The following EHBP1 variants were observed in gnomAD, a reference collection of about 807,000 sequenced individuals.
EHBP1 encodes the protein EH domain-binding protein 1.
Under a neutral mutation model 144.0 loss-of-function variants are expected in EHBP1, and 55 were observed. The ratio of observed to expected loss-of-function variants is 0.38; its 90% confidence interval spans 0.31 to 0.48. EHBP1 has a LOEUF of 0.48. Among genes scored for constraint, EHBP1 ranks in the 20% least tolerant of loss-of-function variants. EHBP1 has a pLI of 0.98. For synonymous variants in EHBP1, 469 were observed against 472.7 expected (o/e 0.99, Z 0.10); for missense variants, 1,200 against 1,364.2 (o/e 0.88, Z 1.90).
At chr2:62,999,714 TATTC>T (rs1165103552) in intron 19 of EHBP1, among the ~76,000 whole-genome samples, 1 of 152,244 alleles carries the variant, frequency 6.6e-6, no homozygotes, top group African/African-American at 2.4e-5. Context: ...CACATTTGTT[TATTC>T]ATTCATCTGT....
intron 8 of EHBP1, among the ~76,000 whole-genome samples, chr2:62,860,754 C>T (rs1044029686): frequency 6.6e-6 from 1 of 151,990 alleles, no homozygotes; most frequent in African/African-American, 2.4e-5. Context: ...ATTTTAAAAT[C>T]AAGTAAGTTT....
At chr2:62,909,039 A>G (rs1426075101) in intron 10 of EHBP1, among the ~76,000 whole-genome samples, 1 of 152,234 alleles carries the variant, frequency 6.6e-6, no homozygotes, top group Non-Finnish European at 1.5e-5. Context: ...GGCCTAGATC[A>G]GAGGAAATCA....
chr2:62,716,119 C>A (rs1340516641), intron 2 of EHBP1, among the ~76,000 whole-genome samples: 1 of 152,012 alleles, frequency 6.6e-6, no homozygotes, highest in Non-Finnish European at 1.5e-5. Context: ...TTTCAATGTC[C>A]CACCCATTTC....
At chr2:62,788,373 T>G (rs2042952356) in intron 5 of EHBP1, among the ~76,000 whole-genome samples, 1 of 151,800 alleles carries the variant, frequency 6.6e-6, no homozygotes, top group Non-Finnish European at 1.5e-5. Context: ...TTCTTCCAAT[T>G]AAAAGAACTA....
intron 5 of EHBP1, among the ~76,000 whole-genome samples, chr2:62,809,557 TG>T (rs1383062450): frequency 6.6e-6 from 1 of 152,170 alleles, no homozygotes; most frequent in Non-Finnish European, 1.5e-5. Context: ...GTTTGTTGCA[TG>T]GGTAGATTGT....
chr2:62,882,107 C>T (rs1000942726), intron 10 of EHBP1, among the ~76,000 whole-genome samples: 1 of 152,166 alleles, frequency 6.6e-6, no homozygotes, highest in Non-Finnish European at 1.5e-5. Context: ...TAATTTCATT[C>T]TGTGGCTTTT....
chr2:62,910,071 C>T (rs964483106), intron 10 of EHBP1, among the ~76,000 whole-genome samples: 3 of 151,988 alleles, frequency 2.0e-5, no homozygotes, highest in African/African-American at 4.8e-5. Context: ...TGTTTTTAAT[C>T]GAAGTTCAAT....
In EHBP1 at chr2:62,683,270, C is replaced by A. The variant is rs76633067; in HGVS notation, c.-296+9187C>A. 3.6e-3 allele frequency among the ~76,000 whole-genome samples: 541 copies of A among 152,278 alleles called. 3 individuals are homozygous for A. Among genetic ancestry groups the A allele is most frequent in the African/African-American group, 0.012 (518 of 41,556 alleles). On this transcript the variant is annotated intron_variant, in intron 1 of 22. Coordinates refer to the EHBP1 transcript ENST00000405015. ...AATTTCAAGTCAAACAGAGACAATA[C>A]TCTTGCCCAGCAATTTTATCACAAG...
intron 19 of EHBP1, among the ~76,000 whole-genome samples, chr2:62,998,646 A>G (rs1415188916): frequency 6.6e-6 from 1 of 152,170 alleles, no homozygotes; most frequent in African/African-American, 2.4e-5. Context: ...CTTCCTACCC[A>G]ACATATCACT....
At chr2:63,001,007 TAAC>T (rs2059828681) in intron 19 of EHBP1, among the ~76,000 whole-genome samples, 1 of 152,214 alleles carries the variant, frequency 6.6e-6, no homozygotes, top group Admixed American at 6.5e-5. Flanking sequence ...AGCAATGTTG[TAAC>T]CCATGAAAAA....
intron 19 of EHBP1, among the ~76,000 whole-genome samples, 168 bp downstream of exon 19, chr2:62,996,934 T>G (rs1253188955): frequency 6.6e-6 from 1 of 151,872 alleles, no homozygotes; most frequent in Non-Finnish European, 1.5e-5. Context: ...GTGATAAGAG[T>G]GCCTTCATGG....
At chr2:62,803,166 G>C (rs2044163714) in intron 5 of EHBP1, among the ~76,000 whole-genome samples, 1 of 151,728 alleles carries the variant, frequency 6.6e-6, no homozygotes, top group South Asian at 2.1e-4. Context: ...TGGATGTTAA[G>C]ATTGTTTCCA....
chr2:62,730,565 T>TG (rs1476449372), intron 2 of EHBP1, among the ~76,000 whole-genome samples: 19 of 152,176 alleles, frequency 1.2e-4, no homozygotes, highest in African/African-American at 4.3e-4. Context: ...ACATCTTAGT[T>TG]GCTTCTAAGT....
chr2:62,922,627 G>A (rs1301074179), intron 10 of EHBP1, among the ~76,000 whole-genome samples: 1 of 152,172 alleles, frequency 6.6e-6, no homozygotes, highest in African/African-American at 2.4e-5. Context: ...GAGACACCTG[G>A]CATTCATCTT....
intron 13 of EHBP1, among the ~76,000 whole-genome samples, chr2:62,951,135 C>G (rs2057355537): frequency 6.6e-6 from 1 of 152,154 alleles, no homozygotes; most frequent in Admixed American, 6.5e-5. Flanking sequence ...GTTTCTTTCT[C>G]AAATAGTCCT....
At chr2:62,734,854 A>G (rs1006412727) in intron 2 of EHBP1, among the ~76,000 whole-genome samples, 2 of 152,160 alleles carry the variant, frequency 1.3e-5, no homozygotes, top group Non-Finnish European at 2.9e-5. Flanking sequence ...TTGGCTTCCA[A>G]AAGTGCTGCG....
At chr2:62,981,069 C>CAAAA (rs754301803) in intron 15 of EHBP1, among the ~76,000 whole-genome samples, 3 of 48,264 alleles carry the variant, frequency 6.2e-5, no homozygotes, top group South Asian at 7.8e-4. Flanking sequence ...GATGCTGTCT[C>CAAAA]AAAAAAAAAA....
chr2:62,941,970 T>C (rs987532970), intron 10 of EHBP1, among the ~76,000 whole-genome samples: 6 of 152,100 alleles, frequency 3.9e-5, no homozygotes, highest in African/African-American at 1.4e-4. Context: ...AGGTTTGTTA[T>C]TATTATTGAT....
intron 10 of EHBP1, among the ~76,000 whole-genome samples, chr2:62,893,634 A>G (rs1302255868): frequency 1.3e-5 from 2 of 152,248 alleles, no homozygotes; most frequent in Non-Finnish European, 2.9e-5. Flanking sequence ...AAACTAATTC[A>G]AAAATGAATG....
Sources: allele counts gnomAD v4.1 joint callset (sites outside exome capture counted in the v4.1 genomes callset), GRCh38; gene constraint gnomAD v4.1.1; transcripts MANE v1.5; gene names NCBI Gene and HGNC (gene_info 2026-07-23, HGNC 2026-07-21).